Variants in SRCIN1 observed in about 807,000 individuals in gnomAD.
SRCIN1 encodes the protein SRC kinase signaling inhibitor 1.
In SRCIN1, 50 loss-of-function variants were observed where a neutral mutation model predicts 116.2. That is an observed-to-expected ratio of 0.43 (90% CI 0.34 to 0.54). The LOEUF is 0.54. Ranked by LOEUF, SRCIN1 falls within the 20% of genes least tolerant of loss-of-function variation. The pLI is 0.02. For missense variants in SRCIN1, 1,446 were observed against 1,672.0 expected, an observed-to-expected ratio of 0.86 and a Z score of 2.36; for synonymous variants, 736 against 750.0, an observed-to-expected ratio of 0.98 and a Z score of 0.30.
chr17:38,605,015 T>C (rs1909282537), intron 1 of SRCIN1, among the ~76,000 whole-genome samples: 1 of 151,534 alleles, frequency 6.6e-6, no homozygotes, highest in African/African-American at 2.4e-5. Flanking sequence ...CCCCAGTTTC[T>C]GCAACTGCTG....
chr17:38,564,712 T>C (rs1043954044), intron 3 of SRCIN1, among the ~76,000 whole-genome samples: 4 of 115,874 alleles, frequency 3.5e-5, no homozygotes, highest in African/African-American at 1.3e-4. Flanking sequence ...GGCAGGTTTG[T>C]GAGCGGAGAA....
chr17:38,538,582 T>A (rs1283708431), intron 18 of SRCIN1, among the ~76,000 whole-genome samples: 1 of 152,250 alleles, frequency 6.6e-6, no homozygotes, highest in South Asian at 2.1e-4. Flanking sequence ...TTCCTTATTG[T>A]TTATCCATTT....
At chr17:38,533,495 G>A in intron 18 of SRCIN1, 64 bp from the exon 19 acceptor site, 1 of 1,455,770 alleles carries the variant, frequency 6.9e-7, no homozygotes, top group South Asian at 1.3e-5. Flanking sequence ...CTGGCCCCCA[G>A]CTGAAGTTTT....
At chr17:38,600,084 C>T (rs953292982) in intron 1 of SRCIN1, among the ~76,000 whole-genome samples, 44 of 152,186 alleles carry the variant, frequency 2.9e-4, no homozygotes, top group African/African-American at 9.7e-4. Flanking sequence ...GGATCAGAAA[C>T]GAATCTGTCC....
chr17:38,544,141 C>G lies in SRCIN1; in HGVS notation c.3271-172G>C, dbSNP rs2502363. 0.35 allele frequency among the ~76,000 whole-genome samples: 53,787 copies of G among 152,020 alleles called. 13,758 individuals are homozygous for G. Among genetic ancestry groups the G allele is most frequent in the African/African-American group, 0.73 (30,272 of 41,430 alleles). ...AGTCCAGAACCCAGGTCCACCCTCT[C>G]AGTCCCCACTTATGGTCTCCCTGCA... On this transcript the variant is annotated intron_variant, in intron 17 of 18. Transcript: ENST00000617146. The surrounding 1 kb of genome is among the most constrained non-coding windows in gnomAD (Gnocchi z 4.5).
rs1381606155 is a variant in SRCIN1 at position 38,551,363 on chromosome 17, C to T, written c.2754G>A (p.Lys918=). 2 of 1,612,958 alleles carry T rather than the reference C, an allele frequency of 1.2e-6. No homozygotes were observed. The highest frequency in any genetic ancestry group is 1.6e-4 in the Middle Eastern group (1 of 6,082). ...CACTGTACTGGGTCAGGGCTGCCCG[C>T]TTCTCCTCCCAGTCTCGCTCTGCAG... ...VEAAERDWEE[K]RAALTQYSAK... Residue 918 remains lysine (K), a synonymous_variant, in exon 15 of 19, where the codon AAG becomes AAA. Coordinates refer to ENST00000617146, the MANE Select transcript of SRCIN1 (RefSeq NM_025248.3).
At chr17:38,554,857 A>G (rs1905683379) in intron 11 of SRCIN1, among the ~76,000 whole-genome samples, 1 of 152,222 alleles carries the variant, frequency 6.6e-6, no homozygotes, top group Non-Finnish European at 1.5e-5. Flanking sequence ...ATTTCAGCTC[A>G]ATCCAGGGGC....
chr17:38,578,834 G>A (rs1280695811), intron 1 of SRCIN1, 43 bp from the exon 2 acceptor site: 1 of 1,448,180 alleles, frequency 6.9e-7, no homozygotes, highest in East Asian at 2.5e-5. Context: ...CGGCGCGCCC[G>A]GCCTGGGGCT....
Position 38,549,134 on chromosome 17 carries a change from G to A in SRCIN1, c.3039C>T (p.Phe1013=), listed in dbSNP as rs757863993. The A allele has an allele frequency of 6.5e-6, 10 of 1,528,432 alleles. No homozygotes were observed. In the African/African-American group the frequency reaches 1.2e-4, roughly 19 times the overall value. The allele number at this position is 1,528,432 out of a possible 1,614,324, so 94.7% of individuals were successfully genotyped here. The change falls in exon 16 of 19, where the codon TTC becomes TTT. Residue 1013 remains phenylalanine (F), a synonymous_variant. Coordinates refer to ENST00000617146, the MANE Select transcript of SRCIN1 (RefSeq NM_025248.3). The part of the protein sequence containing the change: ...SPPPPPPRRS[F]PSSHGLTTTR... ...TGGTGGTCAGGCCATGGGAGGAGGG[G>A]AAGCTCCGGCGGGGAGGGGGCGGTG... is the stretch of plus-strand genomic sequence containing the variant.
chr17:38,601,857 C>T (rs1239596728), intron 1 of SRCIN1, among the ~76,000 whole-genome samples: 1 of 151,838 alleles, frequency 6.6e-6, no homozygotes, highest in Non-Finnish European at 1.5e-5. Context: ...GAAGGGGAGG[C>T]AGACAATGGG....
chr17:38,576,529 T>A (rs1038829301), intron 2 of SRCIN1, among the ~76,000 whole-genome samples: 2 of 152,014 alleles, frequency 1.3e-5, no homozygotes, highest in Admixed American at 6.6e-5. Flanking sequence ...GCATCCCAGG[T>A]CCACTTTGTA....
chr17:38,540,338 A>C (rs2144892611), intron 18 of SRCIN1, among the ~76,000 whole-genome samples: 1 of 152,238 alleles, frequency 6.6e-6, no homozygotes, highest in African/African-American at 2.4e-5. Flanking sequence ...AGTCCCCTCC[A>C]TCTCAACATT....
Position 38,578,471 on chromosome 17 carries a change from CAGCCGG to C in SRCIN1, c.324+13_324+18del. 4 of 1,555,438 alleles carry C rather than the reference CAGCCGG, an allele frequency of 2.6e-6. No individual in the cohort carries two copies. Among genetic ancestry groups the C allele is most frequent in the Non-Finnish European group, 3.5e-6 (4 of 1,148,166 alleles). ...CTGGCCGCGGCCGCAGCCGCAGCCG[CAGCCGG>C]GAGCCCACTCACCTGCTCTCGCATC... On this transcript the variant is annotated intron_variant, in intron 2 of 18. Transcript: ENST00000617146.
intron 3 of SRCIN1, among the ~76,000 whole-genome samples, chr17:38,564,771 A>G (rs1906572815): frequency 1.5e-5 from 2 of 135,032 alleles, no homozygotes; most frequent in African/African-American, 5.6e-5. Context: ...GGGGGCGGGA[A>G]GCAGGGCCCA....
intron 10 of SRCIN1, chr17:38,559,269 G>C: frequency 2.1e-6 from 1 of 485,480 alleles, no homozygotes; most frequent in Non-Finnish European, 3.6e-6. Context: ...GGATACTGAC[G>C]ACGGAGGGGC....
rs12948141 is a variant in SRCIN1, at chr17:38,568,061, C to T, written c.345+150G>A. On this transcript the variant is annotated intron_variant, in intron 3 of 18. Coordinates refer to ENST00000617146, the MANE Select transcript of SRCIN1 (RefSeq NM_025248.3). The surrounding 1 kb of genome is among the most constrained non-coding windows in gnomAD (Gnocchi z 4.5). ...ACCCAGACTCTCCCAAAGCAGCAGC[C>T]ACAGCCTGCAGCCCCGAGGCCCACC... The T allele has an allele frequency of 0.072, 69,958 of 965,578 alleles. 2,895 individuals are homozygous for T. The highest frequency in any genetic ancestry group is 0.11 in the Middle Eastern group (351 of 3,340). 59.8% of individuals were successfully genotyped at this position (965,578 alleles called of 1,614,324 possible). A position where few individuals can be genotyped will look rare whatever the true frequency, so the allele number is the denominator to read the frequency against.
rs1907597626 is a variant in SRCIN1, at chr17:38,578,718, C to T, written c.96G>A (p.Gly32=). 6.5e-7 allele frequency: 1 copy of T among 1,534,528 alleles called. No homozygotes were observed. Among genetic ancestry groups the T allele is most frequent in the Non-Finnish European group, 8.7e-7 (1 of 1,144,412 alleles). The stretch of plus-strand genomic sequence containing the variant: ...CCCCGCTGCCCCCGCCGCCCCCGCC[C>T]CCCAGGGTCCGGTACTCCCGCGGGT... The part of the protein sequence containing the change: ...AEYPREYRTL[G]GGGGGGSGGR... Residue 32 remains glycine, a synonymous_variant, in exon 2 of 19, where the codon GGG becomes GGA. Coordinates refer to ENST00000617146, the MANE Select transcript of SRCIN1 (RefSeq NM_025248.3).
In SRCIN1 at chr17:38,561,873, G is replaced by C; in HGVS notation, c.1290C>G (p.Gly430=). ...YPGAGGLYKR[G]SVRSLSTYSA... ...AGTAGGTGCTGAGCGAGCGCACCGA[G>C]CCGCGCTTGTAGAGGCCGCCGGCGC... Residue 430 remains glycine, a synonymous_variant, in exon 7 of 19, where the codon GGC becomes GGG. Coordinates refer to ENST00000617146, the MANE Select transcript of SRCIN1 (RefSeq NM_025248.3). 6.9e-7 allele frequency: 1 copy of C among 1,455,372 alleles called. No individual in the cohort carries two copies. The allele number at this position is 1,455,372 out of a possible 1,614,324, so 90.2% of individuals were successfully genotyped here.
At position 38,533,149 on chromosome 17, in the gene SRCIN1, C is replaced by A. The variant is rs73982819; in HGVS notation, c.*148G>T. 0.063 allele frequency: 45,105 copies of A among 716,252 alleles called. 3,101 individuals carry two copies. Among genetic ancestry groups the A allele is most frequent in the African/African-American group, 0.29 (14,544 of 49,794 alleles). 44.4% of individuals were successfully genotyped at this position (716,252 alleles called of 1,614,324 possible). A position where few individuals can be genotyped will look rare whatever the true frequency, so the allele number is the denominator to read the frequency against. ...ACACCAACAGATGATGGGTAGGGGT[C>A]GCTGAGGAGGGCCGCACCCTCCTCT... On this transcript the variant is annotated 3_prime_UTR_variant, in exon 19 of 19. Coordinates refer to ENST00000617146, the MANE Select transcript of SRCIN1 (RefSeq NM_025248.3).
Sources: allele counts gnomAD v4.1 joint callset (sites outside exome capture counted in the v4.1 genomes callset), GRCh38; gene constraint gnomAD v4.1.1; non-coding constraint Gnocchi (gnomAD v3.1); transcripts MANE v1.5; gene names NCBI Gene and HGNC (gene_info 2026-07-23, HGNC 2026-07-21).